AGTPBP1: variants seen among roughly 807,000 people sequenced by gnomAD.
The protein encoded by AGTPBP1 is ATP/GTP binding carboxypeptidase 1.
AGTPBP1 carries 70 observed loss-of-function variants against 143.9 expected under a neutral mutation model. That is an observed-to-expected ratio of 0.49 (90% CI 0.40 to 0.59). The LOEUF is 0.59. Among genes scored for constraint, AGTPBP1 ranks in the 20% least tolerant of loss-of-function variants. The probability of loss-of-function intolerance (pLI) is 0.00; values close to 1 mark genes in which losing one functional copy is unlikely to be tolerated. For synonymous variants in AGTPBP1, 463 were observed against 500.2 expected (o/e 0.93, Z 0.99); for missense variants, 1,229 against 1,464.5 (o/e 0.84, Z 2.62).
chr9:85,766,876 A>G, the AGTPBP1 span, among the ~76,000 whole-genome samples: 1 of 152,200 alleles, frequency 6.6e-6, no homozygotes, highest in African/African-American at 2.4e-5. Context: ...CTTGTTTAGG[A>G]TAATTTTCTC....
intron 17 of AGTPBP1, among the ~76,000 whole-genome samples, chr9:85,618,458 ACAACTATAGAC>A (rs1830720788): frequency 6.6e-6 from 1 of 152,118 alleles, no homozygotes. Context: ...AAACAAAAAG[ACAACTATAGAC>A]CAATATCCCT....
chr9:85,657,335 G>A (rs1833583303), intron 10 of AGTPBP1, 100 bp downstream of exon 10: 2 of 1,029,072 alleles, frequency 1.9e-6, no homozygotes, highest in Non-Finnish European at 2.8e-6. Context: ...CATTTATCCT[G>A]TGTATACGTT....
chr9:85,777,810 C>T, the AGTPBP1 span, among the ~76,000 whole-genome samples: 361 of 152,338 alleles, frequency 2.4e-3, no homozygotes, highest in Non-Finnish European at 4.4e-3. Flanking sequence ...GGTATATAAC[C>T]GCATATCTGG....
chr9:85,717,750 T>C lies in AGTPBP1; in HGVS notation c.-33-5184A>G, dbSNP rs1045677292. On this transcript the variant is annotated intron_variant, in intron 1 of 25. Coordinates refer to ENST00000357081, the MANE Select transcript of AGTPBP1 (RefSeq NM_001330701.2). ...AACGTGCAGGTTTGTTCCATAGGTA[T>C]ACATTGCCATGTTGGTTTGCCACAC... Among the ~76,000 whole-genome samples the C allele has an allele frequency of 2.6e-5, 4 of 151,774 alleles. No homozygotes were observed. In the East Asian group the frequency reaches 5.8e-4, roughly 22 times the overall value.
intron 25 of AGTPBP1, among the ~76,000 whole-genome samples, chr9:85,548,364 G>C (rs1563999599): frequency 6.6e-6 from 1 of 152,144 alleles, no homozygotes; most frequent in Non-Finnish European, 1.5e-5. Context: ...GACTCATCCA[G>C]CAAGAGTACC....
chr9:85,677,576 C>A lies in AGTPBP1; in HGVS notation c.296G>T (p.Gly99Val). 6.6e-7 allele frequency: 1 copy of A among 1,517,688 alleles called. No individual in the cohort carries two copies. Among genetic ancestry groups the A allele is most frequent in the Non-Finnish European group, 8.8e-7 (1 of 1,141,254 alleles). The allele number at this position is 1,517,688 out of a possible 1,614,324, so 94.0% of individuals were successfully genotyped here. A position where few individuals can be genotyped will look rare whatever the true frequency, so the allele number is the denominator to read the frequency against. Residue 99 changes from glycine to valine, a missense_variant, in exon 6 of 26, where the codon GGT (glycine) becomes GTT (valine). By Grantham distance (109) the Gly-to-Val change is moderately radical. Transcript: ENST00000357081. ...GGTGACTAAGAAACTCACTCTTCGA[C>A]CTCCACCTAAAAATTAAAAAAAAAA... ...ILVELVSAGG[G>V]RRVSFLVTKG...
chr9:85,617,065 C>T (rs1267329278), intron 17 of AGTPBP1, among the ~76,000 whole-genome samples: 1 of 152,044 alleles, frequency 6.6e-6, no homozygotes, highest in South Asian at 2.1e-4. Context: ...CTGACTAAAG[C>T]TTTTTTTCAT....
In AGTPBP1 at chr9:85,657,590, T is replaced by C; in HGVS notation, c.754A>G (p.Ile252Val). 6.2e-7 allele frequency: 1 copy of C among 1,614,038 alleles called. No individual in the cohort carries two copies. Among genetic ancestry groups the C allele is most frequent in the Non-Finnish European group, 8.5e-7 (1 of 1,179,952 alleles). The change falls in exon 10 of 26, where the codon ATT (isoleucine) becomes GTT (valine). Residue 252 changes from isoleucine (I) to valine (V), a missense_variant. Physicochemically the swap from Ile to Val is conservative, Grantham distance 29 (BLOSUM62 3). Around this residue, in one of 2 missense-constraint regions of AGTPBP1, gnomAD observed 743 missense variants for 812.2 expected, o/e 0.91. Coordinates refer to ENST00000357081, the MANE Select transcript of AGTPBP1 (RefSeq NM_001330701.2). ...DRGYVQVLLT[I>V]YVDWHRHDNR... ...TCATGGCGGTGCCAATCTACATAAA[T>C]TGTTAAAAGCACTTGGACATATCCT...
At chr9:85,657,740 A>T in intron 9 of AGTPBP1, 97 bp from the exon 10 acceptor site, 1 of 753,600 alleles carries the variant, frequency 1.3e-6, no homozygotes, top group Non-Finnish European at 2.0e-6. Context: ...ATTGTGATGG[A>T]TACTTATAAT....
chr9:85,689,790 G>A (rs1369712171), intron 3 of AGTPBP1, among the ~76,000 whole-genome samples: 1 of 150,482 alleles, frequency 6.6e-6, no homozygotes, highest in Non-Finnish European at 1.5e-5. Flanking sequence ...CAGCTACTCG[G>A]GGGGCTGAGA....
intron 1 of AGTPBP1, among the ~76,000 whole-genome samples, chr9:85,723,920 T>C (rs957378641): frequency 6.6e-6 from 1 of 152,150 alleles, no homozygotes; most frequent in Non-Finnish European, 1.5e-5. Context: ...CTATGAACCA[T>C]GAAACAGATC....
At chr9:85,756,743 A>T in the AGTPBP1 span, among the ~76,000 whole-genome samples, 1 of 152,224 alleles carries the variant, frequency 6.6e-6, no homozygotes, top group Non-Finnish European at 1.5e-5. Context: ...TTATCCATAC[A>T]ATAGCATATT....
At chr9:85,794,091 T>C in the AGTPBP1 span, among the ~76,000 whole-genome samples, 2 of 152,032 alleles carry the variant, frequency 1.3e-5, no homozygotes, top group Admixed American at 1.3e-4. Context: ...AATAGAAAAT[T>C]AGGGGTGCTT....
chr9:85,724,222 G>A (rs1034055735), intron 1 of AGTPBP1, among the ~76,000 whole-genome samples: 1 of 151,030 alleles, frequency 6.6e-6, no homozygotes, highest in Non-Finnish European at 1.5e-5. Context: ...GGGAGGCAGG[G>A]GTTACAGTGA....
chr9:85,661,029 A>G, intron 8 of AGTPBP1, 56 bp from the exon 9 acceptor site: 1 of 1,387,524 alleles, frequency 7.2e-7, no homozygotes, highest in Non-Finnish European at 9.9e-7. Flanking sequence ...ATTAATCTAC[A>G]ATAGTAAATT....
At chr9:85,675,965 C>T (rs770511723) in intron 6 of AGTPBP1, among the ~76,000 whole-genome samples, 11 of 152,118 alleles carry the variant, frequency 7.2e-5, no homozygotes, top group Non-Finnish European at 1.3e-4. Flanking sequence ...GCAGAGGTTG[C>T]AGTGAGCCCA....
At chr9:85,786,250 C>A in the AGTPBP1 span, 1 of 1,599,408 alleles carries the variant, frequency 6.3e-7, no homozygotes, top group Non-Finnish European at 8.6e-7. Flanking sequence ...ACAGCCAAAT[C>A]CTCAAAAGCT....
chr9:85,756,359 A>G, the AGTPBP1 span: 1 of 1,150,130 alleles, frequency 8.7e-7, no homozygotes, highest in African/African-American at 1.6e-5. Context: ...GAGGAGGTGG[A>G]GAAATTGGGA....
At chr9:85,657,185 A>G (rs1587840984) in intron 10 of AGTPBP1, among the ~76,000 whole-genome samples, 1 of 85,412 alleles carries the variant, frequency 1.2e-5, no homozygotes, top group East Asian at 8.2e-4. Context: ...GTATAATAAT[A>G]AAAAAAAAAT....
Sources: allele counts gnomAD v4.1 joint callset (sites outside exome capture counted in the v4.1 genomes callset), GRCh38; gene constraint gnomAD v4.1.1; regional missense constraint gnomAD v4.1.1; transcripts MANE v1.5; gene names NCBI Gene and HGNC (gene_info 2026-07-23, HGNC 2026-07-21).